The following NUP210 variants were observed in gnomAD, a reference collection of about 807,000 sequenced individuals.
The protein encoded by NUP210 is nuclear pore membrane glycoprotein 210.
Under a neutral mutation model 196.0 loss-of-function variants are expected in NUP210, and 151 were observed. The ratio of observed to expected loss-of-function variants is 0.77; its 90% CI spans 0.67 to 0.88. NUP210 has a LOEUF of 0.88. Among genes scored for constraint, NUP210 ranks in the 40% least tolerant of loss-of-function variants. The pLI is 0.00. For missense variants in NUP210, 2,314 were observed against 2,493.7 expected (o/e 0.93, Z 1.53); for synonymous variants, 1,070 against 1,052.7 (o/e 1.02, Z -0.32).
chr3:13,349,979 T>C (rs1396388361), intron 20 of NUP210, among the ~76,000 whole-genome samples: 1 of 152,140 alleles, frequency 6.6e-6, no homozygotes, highest in Non-Finnish European at 1.5e-5. Flanking sequence ...CTGAGTTGTG[T>C]AGGAATGTGT....
At chr3:13,412,231 C>CTT (rs71066953) in intron 1 of NUP210, among the ~76,000 whole-genome samples, 1 of 104,790 alleles carries the variant, frequency 9.5e-6, no homozygotes, top group Non-Finnish European at 1.8e-5. Flanking sequence ...TTTTCCTTTT[C>CTT]TTTTTTTTTT....
chr3:13,366,633 T>A (rs1193966151), intron 13 of NUP210, among the ~76,000 whole-genome samples: 1 of 150,618 alleles, frequency 6.6e-6, no homozygotes, highest in African/African-American at 2.4e-5. Flanking sequence ...TTCTCCTGCC[T>A]CAGCCTCCCG....
At position 13,323,243 on chromosome 3, in the gene NUP210, G is replaced by T; in HGVS notation, c.4768+66C>A. On this transcript the variant is annotated intron_variant, in intron 34 of 39. Coordinates refer to ENST00000254508, the MANE Select transcript of NUP210 (RefSeq NM_024923.4). This position sits in a 1 kb window ranked among gnomAD's most constrained non-coding sequence, Gnocchi z 4.3. ...GAGAAGCAGATAAACTCCATCCAGA[G>T]GACACAGGAAGCCACCTCCCCGCTC... 6.2e-7 allele frequency: 1 copy of T among 1,603,022 alleles called. No individual in the cohort carries two copies. Among genetic ancestry groups the T allele is most frequent in the Non-Finnish European group, 8.5e-7 (1 of 1,173,210 alleles).
chr3:13,405,212 G>A (rs1042348439), intron 1 of NUP210, among the ~76,000 whole-genome samples: 1 of 152,156 alleles, frequency 6.6e-6, no homozygotes, highest in African/African-American at 2.4e-5. Context: ...ACCTAATGTG[G>A]GTGGGCCTCA....
chr3:13,337,829 C>G lies in NUP210; in HGVS notation c.3552+8G>C. ...AACCAGGATTCAGAGCCCAGGAGGTCCCCTCACCTGGGTGCCCGTCCTCAT... is the reference window on the plus strand; with the variant it reads ...AACCAGGATTCAGAGCCCAGGAGGTGCCCTCACCTGGGTGCCCGTCCTCAT... On this transcript the variant is annotated splice_region_variant and intron_variant, in intron 26 of 39. Coordinates refer to ENST00000254508, the MANE Select transcript of NUP210 (RefSeq NM_024923.4). 2 of 1,606,568 alleles carry G rather than the reference C, an allele frequency of 1.2e-6. No individual in the cohort carries two copies. The highest frequency in any genetic ancestry group is 1.7e-6 in the Non-Finnish European group (2 of 1,177,728).
chr3:13,391,243 C>T lies in NUP210; in HGVS notation c.501G>A (p.Ala167=), dbSNP rs1344211903. ...FEWTIVKDSE[A]DRFSDSHNAL... ...CATTGTGGGAGTCTGAGAACCTGTC[C>T]GCCTCGGAGTCCTTCACAATCGTCC... Residue 167 remains alanine, a synonymous_variant, in exon 4 of 40, where the codon GCG becomes GCA. Coordinates refer to ENST00000254508, the MANE Select transcript of NUP210 (RefSeq NM_024923.4). 6.8e-6 allele frequency: 11 copies of T among 1,612,500 alleles called. No individual in the cohort carries two copies. Among genetic ancestry groups the T allele is most frequent in the Middle Eastern group, 1.6e-4 (1 of 6,062 alleles).
rs970953402 is a variant in NUP210, at chr3:13,335,702, C to G, written c.3685-90G>C. On this transcript the variant is annotated intron_variant, in intron 27 of 39. Coordinates refer to ENST00000254508, the MANE Select transcript of NUP210 (RefSeq NM_024923.4). ...AGCCGGACAGTAGCCCCAGACCCCCCAGCCCCCCAGTCCTGGTAGCTGCTG... is the reference window on the plus strand; with the variant it reads ...AGCCGGACAGTAGCCCCAGACCCCCGAGCCCCCCAGTCCTGGTAGCTGCTG... The G allele has an allele frequency of 2.8e-6, 4 of 1,414,174 alleles. 1 individual carries two copies. The Admixed American group carries it at 7.6e-5, about 27-fold the overall frequency. 87.6% of individuals were successfully genotyped at this position (1,414,174 alleles called of 1,614,324 possible). A position where few individuals can be genotyped will look rare whatever the true frequency, so the allele number is the denominator to read the frequency against.
chr3:13,339,966 G>T lies in NUP210; in HGVS notation c.3359C>A (p.Ala1120Glu), dbSNP rs761847699. 2 of 1,613,932 alleles carry T rather than the reference G, an allele frequency of 1.2e-6. No homozygotes were observed. Among genetic ancestry groups the T allele is most frequent in the Non-Finnish European group, 1.7e-6 (2 of 1,180,046 alleles). The part of the protein sequence containing the change: ...ILFSISNESV[A>E]LVSAAGLVQG... ...TACCAGCCCAGCAGCGCTCACCAGCGCAACGCTCTCATTGCTGATGGAGAA... is the reference window on the plus strand; with the variant it reads ...TACCAGCCCAGCAGCGCTCACCAGCTCAACGCTCTCATTGCTGATGGAGAA... The change falls in exon 25 of 40, where the codon GCG (alanine) becomes GAG (glutamate). Residue 1120 changes from alanine (A) to glutamate (E), a missense_variant. Ala to Glu is a moderately radical substitution (Grantham distance 107). Coordinates refer to ENST00000254508, the MANE Select transcript of NUP210 (RefSeq NM_024923.4).
At position 13,401,259 on chromosome 3, in the gene NUP210, C is replaced by CAAAAAAAAAAAAAAAAAAAAAAAA. The variant is rs71066952; in HGVS notation, c.168-1399_168-1398insTTTTTTTTTTTTTTTTTTTTTTTT. Among the ~76,000 whole-genome samples, 3 of 43,832 alleles carry CAAAAAAAAAAAAAAAAAAAAAAAA rather than the reference C, an allele frequency of 6.8e-5. 1 individual carries two copies. Among genetic ancestry groups the CAAAAAAAAAAAAAAAAAAAAAAAA allele is most frequent in the African/African-American group, 2.0e-4 (2 of 10,238 alleles). The allele number at this position is 43,832 out of a possible 152,430, so 28.8% of individuals were successfully genotyped here. On this transcript the variant is annotated intron_variant, in intron 1 of 39. Transcript: ENST00000254508. ...TGGGCAACAGAGTGAGACTCTGGCT[C>CAAAAAAAAAAAAAAAAAAAAAAAA]AAAAAAAAAAAAAAAAAAAAAGGCA...
intron 18 of NUP210, among the ~76,000 whole-genome samples, chr3:13,352,700 T>C (rs1698021028): frequency 6.6e-6 from 1 of 152,178 alleles, no homozygotes; most frequent in Admixed American, 6.5e-5. Flanking sequence ...AGGAATCACG[T>C]GTTTGAGCAC....
In NUP210 at chr3:13,375,511, G is replaced by A; in HGVS notation, c.1424C>T (p.Thr475Ile). The A allele has an allele frequency of 1.9e-6, 3 of 1,614,150 alleles. No homozygotes were observed. Among genetic ancestry groups the A allele is most frequent in the Non-Finnish European group, 2.5e-6 (3 of 1,180,010 alleles). Residue 475 changes from threonine to isoleucine, a missense_variant, in exon 11 of 40, where the codon ACA becomes ATA. Coordinates refer to ENST00000254508, the MANE Select transcript of NUP210 (RefSeq NM_024923.4). ...WQPKTGAYQY[T>I]IRAHGGSGNF... ...GTGAGGGGTCTCACGTACCCTTATT[G>A]TGTACTGATAGGCGCCCGTCTTTGG...
intron 11 of NUP210, among the ~76,000 whole-genome samples, chr3:13,374,199 C>T (rs1698825321): frequency 6.6e-6 from 1 of 152,186 alleles, no homozygotes; most frequent in Non-Finnish European, 1.5e-5. Context: ...CACACTCATA[C>T]ACCTACTCAT....
rs759486237 is a variant in NUP210, at chr3:13,330,409, C to T, written c.4110+51G>A. Reference sequence around the variant, plus strand: ...CTTTTACACCTGAGAGGCATATTACCTCAGTGCTATTGCTTTCATTACTCC... The same window carrying T: ...CTTTTACACCTGAGAGGCATATTACTTCAGTGCTATTGCTTTCATTACTCC... On this transcript the variant is annotated intron_variant, in intron 30 of 39. Transcript: ENST00000254508. The T allele has an allele frequency of 4.5e-6, 7 of 1,550,808 alleles. No homozygotes were observed. In the South Asian group the frequency reaches 6.9e-5, roughly 15 times the overall value.
intron 11 of NUP210, among the ~76,000 whole-genome samples, chr3:13,374,119 C>T (rs147176973): frequency 2.6e-4 from 40 of 152,196 alleles, no homozygotes; most frequent in African/African-American, 8.2e-4. Flanking sequence ...GTGCACACCA[C>T]GTACACCTAC....
At chr3:13,321,970 G>A (rs1696549115) in intron 35 of NUP210, 135 bp from the exon 36 acceptor site, 2 of 1,303,752 alleles carry the variant, frequency 1.5e-6, no homozygotes, top group Admixed American at 2.0e-5. Flanking sequence ...TCCTCCAGGA[G>A]TCCTCCTGGG....
At chr3:13,415,161 G>A (rs1700304307) in intron 1 of NUP210, among the ~76,000 whole-genome samples, 1 of 152,250 alleles carries the variant, frequency 6.6e-6, no homozygotes, top group Non-Finnish European at 1.5e-5. Context: ...CTGGGAGGTG[G>A]AGGTTGCAGT....
At chr3:13,367,314 A>T (rs558648210) in intron 13 of NUP210, among the ~76,000 whole-genome samples, 1 of 152,160 alleles carries the variant, frequency 6.6e-6, no homozygotes, top group South Asian at 2.1e-4. Context: ...GCCTGTCTGT[A>T]ATCCCAGCTA....
chr3:13,379,813 T>C lies in NUP210; in HGVS notation c.818-92A>G. On this transcript the variant is annotated intron_variant, in intron 6 of 39. Coordinates refer to ENST00000254508, the MANE Select transcript of NUP210 (RefSeq NM_024923.4). This position sits in a 1 kb window ranked among gnomAD's most constrained non-coding sequence, Gnocchi z 4.2. ...TACACTCCCACTGCCACCCCGAATCTCTGCACTCTGCTCTCAGTACAGCTG... is the reference window on the plus strand; with the variant it reads ...TACACTCCCACTGCCACCCCGAATCCCTGCACTCTGCTCTCAGTACAGCTG... 9.2e-7 allele frequency: 1 copy of C among 1,085,346 alleles called. No homozygotes were observed. The allele number at this position is 1,085,346 out of a possible 1,614,324, so 67.2% of individuals were successfully genotyped here.
At chr3:13,351,045 T>A (rs372986395) in intron 20 of NUP210, among the ~76,000 whole-genome samples, 1 of 152,314 alleles carries the variant, frequency 6.6e-6, no homozygotes, top group South Asian at 2.1e-4. Flanking sequence ...AAAAATTCAC[T>A]AGAAGCGCAC....
Sources: gnomAD v4.1 joint callset for allele counts (sites outside exome capture counted in the v4.1 genomes callset) on GRCh38, gnomAD v4.1.1 for gene constraint, Gnocchi (gnomAD v3.1) non-coding constraint, MANE v1.5 for transcripts, NCBI Gene and HGNC (gene_info 2026-07-23, HGNC 2026-07-21) for gene names.